The following KIAA1217 variants were observed in gnomAD, a reference collection of about 807,000 sequenced individuals.
The protein encoded by KIAA1217 is sickle tail protein homolog.
KIAA1217 carries 88 observed loss-of-function variants against 163.9 expected under a neutral mutation model. The observed-to-expected ratio is 0.54, with a 90% confidence interval of 0.45 to 0.64. The LOEUF is 0.64. Among genes scored for constraint, KIAA1217 ranks in the 30% least tolerant of loss-of-function variants. The pLI, the probability that KIAA1217 is intolerant of heterozygous loss-of-function variation, is 0.00. For synonymous variants in KIAA1217, 903 were observed against 923.1 expected, an observed-to-expected ratio of 0.98 and a Z score of 0.39; for missense variants, 2,372 against 2,475.0, an observed-to-expected ratio of 0.96 and a Z score of 0.88.
intron 1 of KIAA1217, among the ~76,000 whole-genome samples, chr10:23,722,084 C>G (rs1837902690): frequency 6.6e-6 from 1 of 152,048 alleles, no homozygotes; most frequent in African/African-American, 2.4e-5. Context: ...TAAAATAAGC[C>G]AGGCACAGAA....
intron 1 of KIAA1217, among the ~76,000 whole-genome samples, chr10:23,934,591 G>A (rs28527435): frequency 0.048 from 1,273 of 26,516 alleles, 34 homozygotes; most frequent in African/African-American, 0.23. Context: ...ATATATATAT[G>A]TATATATATA....
chr10:23,734,430 G>T (rs909515578), intron 1 of KIAA1217, among the ~76,000 whole-genome samples: 1 of 151,710 alleles, frequency 6.6e-6, no homozygotes, highest in East Asian at 1.9e-4. Context: ...GGTATTACAG[G>T]TGCATGCCAC....
At chr10:24,437,083 C>A (rs1449409279) in intron 4 of KIAA1217, among the ~76,000 whole-genome samples, 1 of 152,188 alleles carries the variant, frequency 6.6e-6, no homozygotes, top group Non-Finnish European at 1.5e-5. Flanking sequence ...CAACCTCATG[C>A]ATTTTAAATA....
chr10:23,842,616 A>G (rs886918519), intron 1 of KIAA1217, among the ~76,000 whole-genome samples: 3 of 152,070 alleles, frequency 2.0e-5, no homozygotes, highest in Non-Finnish European at 4.4e-5. Context: ...TTCAAAACTC[A>G]TGTTCTTAAG....
intron 2 of KIAA1217, among the ~76,000 whole-genome samples, chr10:24,301,946 G>A (rs142447412): frequency 0.065 from 9,939 of 152,222 alleles, 501 homozygotes; most frequent in Non-Finnish European, 0.096. Context: ...TTGGGAGGCT[G>A]AGGCAGGAGA....
At chr10:24,389,057 A>G (rs2054455757) in intron 3 of KIAA1217, among the ~76,000 whole-genome samples, 1 of 152,178 alleles carries the variant, frequency 6.6e-6, no homozygotes, top group African/African-American at 2.4e-5. Flanking sequence ...ATTACTGGGC[A>G]TATATCCAAA....
At chr10:23,981,710 G>A (rs963410179) in intron 1 of KIAA1217, among the ~76,000 whole-genome samples, 1 of 150,766 alleles carries the variant, frequency 6.6e-6, no homozygotes, top group African/African-American at 2.4e-5. Flanking sequence ...AGCCCTGTTT[G>A]TGGACAATCT....
At chr10:24,541,646 CTAGTGT>C (rs1480682887) in intron 17 of KIAA1217, among the ~76,000 whole-genome samples, 1 of 152,176 alleles carries the variant, frequency 6.6e-6, no homozygotes, top group Non-Finnish European at 1.5e-5. Context: ...CAAGGCATCA[CTAGTGT>C]TAGTGTTATG....
intron 2 of KIAA1217, among the ~76,000 whole-genome samples, chr10:24,352,667 A>C (rs1390671270): frequency 6.6e-6 from 1 of 152,144 alleles, no homozygotes; most frequent in Non-Finnish European, 1.5e-5. Context: ...TCTTGATGAC[A>C]GGCAAGTGGG....
At chr10:24,522,778 T>C (rs892241235) in intron 12 of KIAA1217, among the ~76,000 whole-genome samples, 1 of 152,336 alleles carries the variant, frequency 6.6e-6, no homozygotes, top group African/African-American at 2.4e-5. Flanking sequence ...GGTGGATCAC[T>C]TGAGGTCAGG....
intron 2 of KIAA1217, among the ~76,000 whole-genome samples, chr10:24,031,008 G>A (rs756028100): frequency 6.6e-6 from 1 of 152,020 alleles, no homozygotes; most frequent in Non-Finnish European, 1.5e-5. Flanking sequence ...ATATCTGTTC[G>A]AATCTTTGCT....
chr10:23,878,068 T>C (rs570751161), intron 1 of KIAA1217, among the ~76,000 whole-genome samples: 4 of 151,902 alleles, frequency 2.6e-5, no homozygotes, highest in African/African-American at 4.8e-5. Flanking sequence ...AAATGCCCTC[T>C]GCTTTTTTTT....
At chr10:24,031,924 G>A (rs753803355) in intron 2 of KIAA1217, among the ~76,000 whole-genome samples, 1 of 151,834 alleles carries the variant, frequency 6.6e-6, no homozygotes, top group African/African-American at 2.4e-5. Flanking sequence ...ATTCAGTTTT[G>A]CTCATGATTT....
At chr10:23,930,099 A>G (rs756353731) in intron 1 of KIAA1217, among the ~76,000 whole-genome samples, 24 of 152,064 alleles carry the variant, frequency 1.6e-4, no homozygotes, top group South Asian at 6.2e-4. Flanking sequence ...GTGAGATGAT[A>G]TCTCATTGTG....
Position 24,403,007 on chromosome 10 carries a change from G to C in KIAA1217, c.553+21940G>C, listed in dbSNP as rs77765435. Reference sequence around the variant, plus strand: ...TTAGCATATGGTACTGAAGAAATGGGATCTCCCCTCAAAAACTTCAACCTG... The same window carrying C: ...TTAGCATATGGTACTGAAGAAATGGCATCTCCCCTCAAAAACTTCAACCTG... On this transcript the variant is annotated intron_variant, in intron 3 of 20. Transcript: ENST00000376454. 7.0e-4 allele frequency among the ~76,000 whole-genome samples: 106 copies of C among 152,166 alleles called. 4 individuals are homozygous for C. The East Asian group carries it at 0.02, about 29-fold the overall frequency.
At chr10:24,460,986 C>T (rs965522779) in intron 5 of KIAA1217, among the ~76,000 whole-genome samples, 4 of 152,174 alleles carry the variant, frequency 2.6e-5, no homozygotes, top group African/African-American at 9.7e-5. Flanking sequence ...AAACAGACAT[C>T]CTGGGATTTG....
At chr10:24,495,437 C>T (rs191379850) in intron 8 of KIAA1217, among the ~76,000 whole-genome samples, 7 of 152,270 alleles carry the variant, frequency 4.6e-5, no homozygotes, top group South Asian at 2.1e-4. Flanking sequence ...TATGGCCACA[C>T]GGTGGTCATC....
chr10:24,419,167 G>A (rs1174979454), intron 3 of KIAA1217, among the ~76,000 whole-genome samples: 6 of 126,658 alleles, frequency 4.7e-5, no homozygotes, highest in African/African-American at 1.8e-4. Context: ...AGCAAGACTC[G>A]TCTCCAAAAA....
chr10:24,343,791 C>A (rs1052531792), intron 2 of KIAA1217, among the ~76,000 whole-genome samples: 1 of 152,172 alleles, frequency 6.6e-6, no homozygotes, highest in South Asian at 2.1e-4. Context: ...ATCTAGCTTT[C>A]TTTCTTTTGC....
Sources: allele counts gnomAD v4.1 joint callset (sites outside exome capture counted in the v4.1 genomes callset), GRCh38; gene constraint gnomAD v4.1.1; transcripts MANE v1.5; gene names NCBI Gene and HGNC (gene_info 2026-07-23, HGNC 2026-07-21).